SEC61A1: variants seen among roughly 807,000 people sequenced by gnomAD.
The protein encoded by SEC61A1 is SEC61 translocon subunit alpha 1.
Under a neutral mutation model 55.2 loss-of-function variants are expected in SEC61A1, and 15 were observed. The observed-to-expected ratio is 0.27, with a 90% CI of 0.18 to 0.42. The LOEUF (loss-of-function observed/expected upper bound fraction) is 0.42, where lower values mean the gene tolerates loss of function less well. Ranked by LOEUF, SEC61A1 falls within the 10% of genes least tolerant of loss-of-function variation. SEC61A1 has a pLI of 1.00. For missense variants in SEC61A1, 284 were observed against 602.6 expected (o/e 0.47, Z 5.53); for synonymous variants, 247 against 234.0 (o/e 1.06, Z -0.51).
At chr3:128,065,305 A>G (rs1360195396) in intron 8 of SEC61A1, 2 of 596,286 alleles carry the variant, frequency 3.4e-6, no homozygotes, top group Non-Finnish European at 6.0e-6. Context: ...CAGGTAAGAT[A>G]CATTTTTAAG....
intron 8 of SEC61A1, among the ~76,000 whole-genome samples, chr3:128,065,978 G>A (rs1004577595): frequency 3.3e-5 from 5 of 151,904 alleles, no homozygotes; most frequent in African/African-American, 7.2e-5. Context: ...TCCTGACCTC[G>A]TGATCCGCCC....
At chr3:128,059,069 T>A (rs1409134626) in intron 5 of SEC61A1, among the ~76,000 whole-genome samples, 1 of 152,092 alleles carries the variant, frequency 6.6e-6, no homozygotes, top group African/African-American at 2.4e-5. Flanking sequence ...AAACTGAAGG[T>A]CAGACTGTAC....
intron 6 of SEC61A1, 107 bp downstream of exon 6, chr3:128,060,318 G>A (rs2107644318): frequency 9.3e-7 from 1 of 1,078,712 alleles, no homozygotes; most frequent in Non-Finnish European, 1.4e-6. Flanking sequence ...CTGAAAGGAA[G>A]CAGAAGCCTA....
rs534789769 is a variant in SEC61A1 at position 128,052,619 on chromosome 3, C to T, written c.7+60C>T. ...ACGGAACAGATCCCCCTTCCCCACA[C>T]CCGTGCGGTCGGGCGCCCGCCGGCC... On this transcript the variant is annotated intron_variant, in intron 1 of 11. Coordinates refer to ENST00000243253, the MANE Select transcript of SEC61A1 (RefSeq NM_013336.4). 3 of 1,562,112 alleles carry T rather than the reference C, an allele frequency of 1.9e-6. No homozygotes were observed. In the South Asian group the frequency reaches 3.5e-5, roughly 18 times the overall value.
intron 2 of SEC61A1, among the ~76,000 whole-genome samples, chr3:128,054,892 C>A (rs1282199295): frequency 6.6e-6 from 1 of 152,144 alleles, no homozygotes; most frequent in African/African-American, 2.4e-5. Context: ...TACAGTGATT[C>A]TTGTCACCTA....
At chr3:128,054,177 G>T (rs866408952) in intron 2 of SEC61A1, among the ~76,000 whole-genome samples, 8 of 152,314 alleles carry the variant, frequency 5.3e-5, no homozygotes, top group African/African-American at 1.4e-4. Flanking sequence ...ATGAACTGTG[G>T]TACTGAGCAA....
intron 7 of SEC61A1, among the ~76,000 whole-genome samples, 164 bp downstream of exon 7, chr3:128,060,825 T>C (rs1941840603): frequency 6.6e-6 from 1 of 152,236 alleles, no homozygotes; most frequent in Non-Finnish European, 1.5e-5. Context: ...AAAACACAAA[T>C]AGGCTTGTAA....
chr3:128,066,960 C>A lies in SEC61A1; in HGVS notation c.784C>A (p.Arg262=), dbSNP rs144643278. 1,356 of 1,614,152 alleles carry A rather than the reference C, an allele frequency of 8.4e-4. 5 individuals are homozygous for A. Among genetic ancestry groups the A allele is most frequent in the Admixed American group, 1.3e-3 (81 of 60,012 alleles). ...FAVVIYFQGF[R]VDLPIKSARY... Reference sequence around the variant, plus strand: ...GTTCTGTTTGGCTTCTCAGGGCTTCCGAGTGGACCTGCCAATCAAGTCGGC... The same window carrying A: ...GTTCTGTTTGGCTTCTCAGGGCTTCAGAGTGGACCTGCCAATCAAGTCGGC... The change falls in exon 9 of 12, where the codon CGA becomes AGA. Residue 262 remains arginine, a synonymous_variant. Transcript: ENST00000243253.
chr3:128,065,827 C>T (rs1360165945), intron 8 of SEC61A1, among the ~76,000 whole-genome samples: 1 of 149,738 alleles, frequency 6.7e-6, no homozygotes, highest in Non-Finnish European at 1.5e-5. Context: ...CTGCAACCTC[C>T]GCCTCCCAGG....
Position 128,052,547 on chromosome 3 carries a change from G to T in SEC61A1, c.-6G>T. 1 of 1,598,976 alleles carries T rather than the reference G, an allele frequency of 6.3e-7. No individual in the cohort carries two copies. On this transcript the variant is annotated 5_prime_UTR_variant, in exon 1 of 12. Coordinates refer to ENST00000243253, the MANE Select transcript of SEC61A1 (RefSeq NM_013336.4). ...AGCGGGACCCGGAGCCCGAGCAGCCGCCGCCATGGCAAGTGAGTCCTGTAG... is the reference window on the plus strand; with the variant it reads ...AGCGGGACCCGGAGCCCGAGCAGCCTCCGCCATGGCAAGTGAGTCCTGTAG...
rs564592797 is a variant in SEC61A1, at chr3:128,067,690, T to A, written c.1167+78T>A. 8.6e-7 allele frequency: 1 copy of A among 1,163,282 alleles called. No homozygotes were observed. The highest frequency in any genetic ancestry group is 1.5e-5 in the African/African-American group (1 of 65,378). The allele number at this position is 1,163,282 out of a possible 1,614,324, so 72.1% of individuals were successfully genotyped here. A position where few individuals can be genotyped will look rare whatever the true frequency, so the allele number is the denominator to read the frequency against. On this transcript the variant is annotated intron_variant, in intron 10 of 11. Coordinates refer to ENST00000243253, the MANE Select transcript of SEC61A1 (RefSeq NM_013336.4). The surrounding 1 kb of genome is among the most constrained non-coding windows in gnomAD (Gnocchi z 4.1). ...GGGGTGTGGACTTGTCACCTCATCA[T>A]AAATAATGGTCTGTGACGTGTGCAG...
upstream of SEC61A1, chr3:128,052,330 A>T: frequency 2.1e-6 from 1 of 476,820 alleles, no homozygotes; most frequent in Non-Finnish European, 2.7e-6. Flanking sequence ...CGGCGCGGCG[A>T]AGCGCGGCGG....
chr3:128,060,378 G>A (rs1181518541), intron 6 of SEC61A1, 130 bp from the exon 7 acceptor site: 11 of 1,125,086 alleles, frequency 9.8e-6, no homozygotes, highest in South Asian at 4.4e-5. Context: ...TTTACTGACC[G>A]CTCTCTGGGG....
At chr3:128,062,942 T>C (rs1941871666) in intron 7 of SEC61A1, among the ~76,000 whole-genome samples, 1 of 152,158 alleles carries the variant, frequency 6.6e-6, no homozygotes, top group African/African-American at 2.4e-5. Context: ...TGAGCTGAAC[T>C]ACAGATTTGG....
rs1559798666 is a variant in SEC61A1, at chr3:128,066,936, T to C, written c.778-18T>C. 2 of 1,613,932 alleles carry C rather than the reference T, an allele frequency of 1.2e-6. No homozygotes were observed. The highest frequency in any genetic ancestry group is 1.7e-6 in the Non-Finnish European group (2 of 1,179,850). On this transcript the variant is annotated intron_variant, in intron 8 of 11. Transcript: ENST00000243253. ...AAATGAGGCAGTGAAGGGGATTTGG[T>C]TCTGTTTGGCTTCTCAGGGCTTCCG...
rs772842157 is a variant in SEC61A1 at position 128,052,915 on chromosome 3, A to C, written c.75+13A>C. 4.4e-6 allele frequency: 7 copies of C among 1,603,090 alleles called. No homozygotes were observed. The highest frequency in any genetic ancestry group is 1.7e-5 in the Admixed American group (1 of 58,146). On this transcript the variant is annotated intron_variant, in intron 2 of 11. Transcript: ENST00000243253. ...GCCAGAGAGGAAGGTAAGTACCCCAAATCGCCAACAAAGAAGGTTTCAGGA... is the reference window on the plus strand; with the variant it reads ...GCCAGAGAGGAAGGTAAGTACCCCACATCGCCAACAAAGAAGGTTTCAGGA...
intron 5 of SEC61A1, among the ~76,000 whole-genome samples, chr3:128,058,188 G>A (rs1189032580): frequency 6.8e-6 from 1 of 147,888 alleles, no homozygotes; most frequent in Non-Finnish European, 1.5e-5. Flanking sequence ...ATAATTGAAT[G>A]AGAAATACGT....
Sources: allele counts gnomAD v4.1 joint callset (sites outside exome capture counted in the v4.1 genomes callset), GRCh38; gene constraint gnomAD v4.1.1; non-coding constraint Gnocchi (gnomAD v3.1); transcripts MANE v1.5; gene names NCBI Gene and HGNC (gene_info 2026-07-23, HGNC 2026-07-21).